P2RY8: variants seen among roughly 807,000 people sequenced by gnomAD.
P2RY8 encodes S-geranylgeranyl-glutathione receptor P2RY8.
A neutral mutation model predicts 10.0 loss-of-function variants in P2RY8; 6 were observed. The ratio of observed to expected loss-of-function variants is 0.60; its 90% CI spans 0.33 to 1.19. P2RY8 has a LOEUF of 1.19. Among genes scored for constraint, P2RY8 ranks in the 50% most tolerant of loss-of-function variants. The pLI is 0.04. For missense variants in P2RY8, 456 were observed against 542.0 expected, an observed-to-expected ratio of 0.84 and a Z score of 1.58; for synonymous variants, 276 against 252.5, an observed-to-expected ratio of 1.09 and a Z score of -0.88.
At chrX:1,489,283 C>T (rs1351890079) in intron 1 of P2RY8, among the ~76,000 whole-genome samples, 11 of 150,620 alleles carry the variant, frequency 7.3e-5, no homozygotes, top group South Asian at 2.1e-4. Context: ...TAAGGATTCC[C>T]TACAAATGTA....
At chrX:1,497,024 G>C (rs1207538152) in intron 1 of P2RY8, among the ~76,000 whole-genome samples, 1 of 149,632 alleles carries the variant, frequency 6.7e-6, no homozygotes, top group Non-Finnish European at 1.5e-5. Flanking sequence ...TTCGAGACCA[G>C]TCTGATCAAC....
chrX:1,496,695 C>T (rs1212491579), intron 1 of P2RY8, among the ~76,000 whole-genome samples: 4 of 150,042 alleles, frequency 2.7e-5, no homozygotes, highest in Admixed American at 6.7e-5. Context: ...AGTTTTTTTT[C>T]TTTCTTTCTT....
rs182232088 is a variant in P2RY8, at chrX:1,465,019, C to T, written c.*460G>A. 2 of 253,450 alleles carry T rather than the reference C, an allele frequency of 7.9e-6. No individual in the cohort carries two copies. Among genetic ancestry groups the T allele is most frequent in the Non-Finnish European group, 1.5e-5 (2 of 130,790 alleles). The allele number at this position is 253,450 out of a possible 1,614,324, so 15.7% of individuals were successfully genotyped here. On this transcript the variant is annotated 3_prime_UTR_variant, in exon 2 of 2. Coordinates refer to ENST00000381297, the MANE Select transcript of P2RY8 (RefSeq NM_178129.5). Reference sequence around the variant, plus strand: ...AGGGAGAAGAGCTGGGAATGGGGCTCGCAGTTCGCCCACGGAGGATATCCA... The same window carrying T: ...AGGGAGAAGAGCTGGGAATGGGGCTTGCAGTTCGCCCACGGAGGATATCCA...
Position 1,466,478 on chromosome X carries a change from G to A in P2RY8, c.81C>T (p.Pro27=), listed in dbSNP as rs1453535571. The change falls in exon 2 of 2, where the codon CCC becomes CCT. Residue 27 remains proline, a synonymous_variant. Coordinates refer to ENST00000381297, the MANE Select transcript of P2RY8 (RefSeq NM_178129.5). The part of the protein sequence containing the change: ...LRNPAIAVAL[P]VVYSLVAAVS... ...CCGCCGCCACCAGCGAGTACACCAC[G>A]GGCAGGGCCACCGCGATCGCCGGGT... 20 of 1,611,868 alleles carry A rather than the reference G, an allele frequency of 1.2e-5. No individual in the cohort carries two copies. Among genetic ancestry groups the A allele is most frequent in the Admixed American group, 1.7e-5 (1 of 59,990 alleles).
At chrX:1,510,272 A>AGT (rs2092289525) in intron 1 of P2RY8, among the ~76,000 whole-genome samples, 1 of 152,194 alleles carries the variant, frequency 6.6e-6, no homozygotes, top group African/African-American at 2.4e-5. Context: ...CCTGGCTTAG[A>AGT]GCGTGATGGA....
Position 1,468,738 on chromosome X carries a change from CTCTCT to C in P2RY8, c.-24-2161_-24-2157del, listed in dbSNP as rs1202062124. On this transcript the variant is annotated intron_variant, in intron 1 of 1. Transcript: ENST00000381297. ...AGGTGGGACCCTCCTCTCCTCTCTCCTCTCTCCTCTCTCCCCTCTCCCCTCTCCCC... is the reference window on the plus strand; with the variant it reads ...AGGTGGGACCCTCCTCTCCTCTCTCCCCTCTCTCCCCTCTCCCCTCTCCCC... Among the ~76,000 whole-genome samples, 12 of 78,008 alleles carry C rather than the reference CTCTCT, an allele frequency of 1.5e-4. 1 individual carries two copies. Among genetic ancestry groups the C allele is most frequent in the African/African-American group, 4.3e-4 (9 of 20,878 alleles). The allele number at this position is 78,008 out of a possible 152,430, so 51.2% of individuals were successfully genotyped here.
At chrX:1,506,237 C>T (rs769639684) in intron 1 of P2RY8, among the ~76,000 whole-genome samples, 2 of 152,102 alleles carry the variant, frequency 1.3e-5, no homozygotes, top group African/African-American at 4.8e-5. Context: ...AGACGACCCG[C>T]CTGCCTGAGC....
intron 1 of P2RY8, among the ~76,000 whole-genome samples, chrX:1,507,123 C>T (rs1374882284): frequency 8.6e-6 from 1 of 115,958 alleles, no homozygotes; most frequent in Non-Finnish European, 1.9e-5. Flanking sequence ...TCGGAGTCCT[C>T]ATGGGCCCCA....
intron 1 of P2RY8, among the ~76,000 whole-genome samples, chrX:1,472,380 G>T (rs1370126175): frequency 2.0e-5 from 3 of 150,242 alleles, no homozygotes; most frequent in Non-Finnish European, 4.4e-5. Context: ...GGATGGGTGG[G>T]TGGATGGATG....
chrX:1,492,398 C>T (rs1338039264), intron 1 of P2RY8, among the ~76,000 whole-genome samples: 14 of 152,052 alleles, frequency 9.2e-5, no homozygotes, highest in Non-Finnish European at 2.1e-4. Context: ...GTCTCTTTTC[C>T]CATTTGATTC....
At chrX:1,521,703 G>C (rs2149409789) in intron 1 of P2RY8, among the ~76,000 whole-genome samples, 1 of 152,214 alleles carries the variant, frequency 6.6e-6, no homozygotes, top group Admixed American at 6.5e-5. Context: ...ACTTAGAAGT[G>C]AGTTGCATGG....
chrX:1,474,307 A>ATAAG, intron 1 of P2RY8, among the ~76,000 whole-genome samples: 1 of 147,548 alleles, frequency 6.8e-6, no homozygotes, highest in Admixed American at 6.8e-5. Context: ...GGATGGATAG[A>ATAAG]TGGGTGGCTG....
chrX:1,485,114 C>G (rs1448312094), intron 1 of P2RY8, among the ~76,000 whole-genome samples: 20 of 151,308 alleles, frequency 1.3e-4, no homozygotes, highest in African/African-American at 4.6e-4. Flanking sequence ...CAGGTCTGAG[C>G]CACTGCACCC....
chrX:1,468,049 C>G (rs1385094893), intron 1 of P2RY8, among the ~76,000 whole-genome samples: 2 of 152,136 alleles, frequency 1.3e-5, no homozygotes, highest in African/African-American at 4.8e-5. Flanking sequence ...CTCCTGGCCT[C>G]AAGCAATCCT....
intron 1 of P2RY8, among the ~76,000 whole-genome samples, chrX:1,504,113 C>T (rs773015770): frequency 1.5e-3 from 235 of 151,758 alleles, no homozygotes; most frequent in African/African-American, 5.4e-3. Context: ...GTCAGGAATT[C>T]GAGACCAGCC....
At chrX:1,490,920 A>G (rs1297720093) in intron 1 of P2RY8, among the ~76,000 whole-genome samples, 1 of 139,314 alleles carries the variant, frequency 7.2e-6, no homozygotes, top group African/African-American at 2.7e-5. Flanking sequence ...ATGTGGGGGG[A>G]ATGAATGAAT....
rs754163999 is a variant in P2RY8, at chrX:1,465,651, C to T, written c.908G>A (p.Arg303His). The T allele has an allele frequency of 2.5e-6, 4 of 1,613,370 alleles. No homozygotes were observed. The African/African-American group carries it at 4.0e-5, about 16-fold the overall frequency. Residue 303 changes from arginine to histidine, a missense_variant, in exon 2 of 2, where the codon CGC (arginine) becomes CAC (histidine). Transcript: ENST00000381297. ...YYFASREFQL[R>H]LREYLGCRRV... ...GCGGCAGCCCAAATATTCCCGCAGG[C>T]GCAGCTGGAATTCCCGGGACGCAAA...
chrX:1,472,091 T>C (rs1298578939), intron 1 of P2RY8, among the ~76,000 whole-genome samples: 1 of 152,066 alleles, frequency 6.6e-6, no homozygotes, highest in Non-Finnish European at 1.5e-5. Flanking sequence ...GACGCTGGCT[T>C]CAATTACCTA....
chrX:1,468,023 C>G (rs1238835174), intron 1 of P2RY8, among the ~76,000 whole-genome samples: 2 of 151,598 alleles, frequency 1.3e-5, no homozygotes, highest in Non-Finnish European at 2.9e-5. Context: ...GCTACATTTC[C>G]CAGGCTGGTC....
Sources: allele counts gnomAD v4.1 joint callset (sites outside exome capture counted in the v4.1 genomes callset), GRCh38; gene constraint gnomAD v4.1.1; transcripts MANE v1.5; gene names NCBI Gene and HGNC (gene_info 2026-07-23, HGNC 2026-07-21).